The following MCC variants were observed in gnomAD, a reference collection of about 807,000 sequenced individuals.
The protein encoded by MCC is MCC regulator of Wnt signaling pathway.
MCC carries 90 observed loss-of-function variants against 116.2 expected under a neutral mutation model. The observed-to-expected ratio is 0.77, with a 90% CI of 0.65 to 0.92. MCC has a LOEUF of 0.92. MCC is among the 40% of genes least tolerant of loss of function. The pLI is 0.00. For synonymous variants in MCC, 578 were observed against 510.5 expected, an observed-to-expected ratio of 1.13 and a Z score of -1.78; for missense variants, 1,516 against 1,312.2, an observed-to-expected ratio of 1.16 and a Z score of -2.40.
At chr5:113,376,792 A>G (rs929853239) in intron 2 of MCC, among the ~76,000 whole-genome samples, 1 of 152,116 alleles carries the variant, frequency 6.6e-6, no homozygotes, top group Admixed American at 6.6e-5. Flanking sequence ...TTAGTCCACA[A>G]GATGGGGATA....
chr5:113,443,842 G>C (rs186967347), intron 1 of MCC, among the ~76,000 whole-genome samples: 26 of 152,196 alleles, frequency 1.7e-4, no homozygotes, highest in African/African-American at 6.0e-4. Context: ...CCCAGGTATT[G>C]AGATGGAGTC....
chr5:113,171,250 T>G (rs921459909), intron 3 of MCC, among the ~76,000 whole-genome samples: 1 of 151,770 alleles, frequency 6.6e-6, no homozygotes, highest in Admixed American at 6.6e-5. Flanking sequence ...TTTCATCACT[T>G]GGGTACTTAT....
chr5:113,314,681 G>A (rs1260449115), intron 3 of MCC, among the ~76,000 whole-genome samples: 4 of 152,132 alleles, frequency 2.6e-5, no homozygotes, highest in Non-Finnish European at 5.9e-5. Flanking sequence ...TCTGCCTCCT[G>A]GGTTCAAGCG....
chr5:113,373,164 G>A (rs1768881281), intron 2 of MCC, among the ~76,000 whole-genome samples: 1 of 150,272 alleles, frequency 6.7e-6, no homozygotes, highest in Non-Finnish European at 1.5e-5. Context: ...GGGGGACAGA[G>A]CGAGACTCCC....
chr5:113,399,023 T>G (rs960853352), intron 1 of MCC, among the ~76,000 whole-genome samples: 6 of 152,226 alleles, frequency 3.9e-5, no homozygotes, highest in African/African-American at 9.6e-5. Context: ...TCAGTTGTAC[T>G]AGATCAACAG....
intron 1 of MCC, chr5:113,433,851 C>T (rs761618235): frequency 3.7e-6 from 6 of 1,614,014 alleles, no homozygotes; most frequent in Non-Finnish European, 5.1e-6. Context: ...CATTGCTGTC[C>T]CCTCGGGTTT....
intron 13 of MCC, among the ~76,000 whole-genome samples, chr5:113,067,812 C>T (rs920470551): frequency 6.6e-6 from 1 of 152,272 alleles, no homozygotes; most frequent in African/African-American, 2.4e-5. Flanking sequence ...GGCCTCAGCT[C>T]CATCTGGCCC....
At chr5:113,322,821 C>CAAGATG (rs1767456254) in intron 3 of MCC, among the ~76,000 whole-genome samples, 1 of 152,138 alleles carries the variant, frequency 6.6e-6, no homozygotes, top group Non-Finnish European at 1.5e-5. Context: ...ACTAAGTGAT[C>CAAGATG]AAGATGAAGA....
intron 3 of MCC, among the ~76,000 whole-genome samples, chr5:113,213,115 C>T (rs1417369696): frequency 3.9e-5 from 6 of 152,208 alleles, no homozygotes; most frequent in African/African-American, 1.4e-4. Flanking sequence ...CAAAGTGTTG[C>T]TGTCACACGC....
intron 2 of MCC, among the ~76,000 whole-genome samples, chr5:113,357,941 A>C (rs1447629856): frequency 1.3e-5 from 2 of 152,200 alleles, no homozygotes; most frequent in Non-Finnish European, 2.9e-5. Flanking sequence ...TTCCAAGTGC[A>C]CTTTACTTCC....
chr5:113,294,714 C>A, intron 3 of MCC: 1 of 1,010,910 alleles, frequency 9.9e-7, no homozygotes, highest in African/African-American at 1.7e-5. Flanking sequence ...TGGGCGCCGC[C>A]TCGCCACTCC....
intron 3 of MCC, among the ~76,000 whole-genome samples, chr5:113,190,632 A>C (rs2150313569): frequency 6.6e-6 from 1 of 152,230 alleles, no homozygotes; most frequent in Non-Finnish European, 1.5e-5. Flanking sequence ...CAACTACAAA[A>C]CTTAGAATGG....
At chr5:113,188,248 T>C (rs373460698) in intron 3 of MCC, among the ~76,000 whole-genome samples, 1 of 152,188 alleles carries the variant, frequency 6.6e-6, no homozygotes, top group Admixed American at 6.5e-5. Context: ...ACAACCATGA[T>C]TGGATACTGT....
intron 1 of MCC, among the ~76,000 whole-genome samples, chr5:113,426,803 T>C (rs1479369944): frequency 2.0e-5 from 3 of 152,210 alleles, no homozygotes; most frequent in Non-Finnish European, 2.9e-5. Context: ...ATGGATTTAA[T>C]TGGAAACTAA....
chr5:113,155,441 G>GT (rs1760121558), intron 3 of MCC, among the ~76,000 whole-genome samples: 5 of 152,188 alleles, frequency 3.3e-5, no homozygotes, highest in South Asian at 2.1e-4. Context: ...TATTTTAAGG[G>GT]TTTTTTTAGG....
At chr5:113,177,928 T>C (rs80123039) in intron 3 of MCC, among the ~76,000 whole-genome samples, 3,603 of 152,334 alleles carry the variant, frequency 0.024, 143 homozygotes, top group African/African-American at 0.081. Context: ...TAAAATGATT[T>C]CCTTCTTTTC....
In MCC at chr5:113,053,936, C is replaced by G. The variant is rs777659390; in HGVS notation, c.2237G>C (p.Ser746Thr). ...TTCTTTAGTGAACTCGGTGTCGCAA[C>G]TACTGGCTGTGGAGCTGGTTGTGCT... ...HTSTTSSTAS[S>T]CDTEFTKEDE... The change falls in exon 15 of 19, where the codon AGT becomes ACT. Residue 746 changes from serine to threonine, a missense_variant. Coordinates refer to ENST00000408903, the MANE Select transcript of MCC (RefSeq NM_001085377.2). 1.2e-6 allele frequency: 2 copies of G among 1,613,214 alleles called. No individual in the cohort carries two copies. The highest frequency in any genetic ancestry group is 1.7e-6 in the Non-Finnish European group (2 of 1,179,270).
intron 16 of MCC, among the ~76,000 whole-genome samples, chr5:113,047,543 T>G (rs1407271800): frequency 6.6e-6 from 1 of 152,198 alleles, no homozygotes; most frequent in Admixed American, 6.5e-5. Context: ...ATGACATCAG[T>G]ACTGTTCCTT....
intron 8 of MCC, among the ~76,000 whole-genome samples, chr5:113,097,331 C>G (rs1046388714): frequency 2.0e-5 from 3 of 152,058 alleles, no homozygotes; most frequent in Admixed American, 6.6e-5. Context: ...GTATATACTT[C>G]TGCATATTAA....
Sources: gnomAD v4.1 joint callset for allele counts (sites outside exome capture counted in the v4.1 genomes callset) on GRCh38, gnomAD v4.1.1 for gene constraint, MANE v1.5 for transcripts, NCBI Gene and HGNC (gene_info 2026-07-23, HGNC 2026-07-21) for gene names.